The following ST6GAL1 variants were observed in gnomAD, a reference collection of about 807,000 sequenced individuals.
ST6GAL1 encodes the protein beta-galactoside alpha-2,6-sialyltransferase 1.
In ST6GAL1, 20 loss-of-function variants were observed where a neutral mutation model predicts 38.0. The observed-to-expected ratio is 0.53, with a 90% CI of 0.37 to 0.77. The LOEUF (loss-of-function observed/expected upper bound fraction) is 0.77. ST6GAL1 is among the 30% of genes least tolerant of loss of function. The pLI is 0.00. For missense variants in ST6GAL1, 432 were observed against 496.4 expected, an observed-to-expected ratio of 0.87 and a Z score of 1.23; for synonymous variants, 196 against 188.2, an observed-to-expected ratio of 1.04 and a Z score of -0.34.
chr3:187,003,057 C>CT (rs1345669415), intron 2 of ST6GAL1, among the ~76,000 whole-genome samples: 1 of 152,224 alleles, frequency 6.6e-6, no homozygotes, highest in Non-Finnish European at 1.5e-5. Flanking sequence ...CAGTTCCAGT[C>CT]TGAGTCCAAA....
intron 4 of ST6GAL1, among the ~76,000 whole-genome samples, chr3:187,047,709 A>G (rs1345043329): frequency 6.6e-6 from 1 of 151,990 alleles, no homozygotes; most frequent in African/African-American, 2.4e-5. Flanking sequence ...TTGAGTTTGA[A>G]AGTTCAACTT....
intron 1 of ST6GAL1, among the ~76,000 whole-genome samples, chr3:186,962,391 G>A (rs1341874326): frequency 6.6e-6 from 1 of 152,142 alleles, no homozygotes; most frequent in Non-Finnish European, 1.5e-5. Flanking sequence ...AGCATAATGG[G>A]TCTTATCTTA....
At chr3:187,034,711 A>C (rs377554515) in intron 2 of ST6GAL1, among the ~76,000 whole-genome samples, 9 of 152,296 alleles carry the variant, frequency 5.9e-5, no homozygotes, top group African/African-American at 2.2e-4. Context: ...AAATCCTTTC[A>C]TCAAAAAAGC....
At position 186,952,200 on chromosome 3, in the gene ST6GAL1, T is replaced by TA. The variant is rs1335256736; in HGVS notation, c.-324-11585_-324-11584insA. Reference sequence around the variant, plus strand: ...GCTCCTGGAGAGAGTTGTCTGCATTTGCACCCTGCACTCCCTCTTCTCTCA... The same window carrying TA: ...GCTCCTGGAGAGAGTTGTCTGCATTTAGCACCCTGCACTCCCTCTTCTCTCA... On this transcript the variant is annotated intron_variant, in intron 1 of 7. Transcript: ENST00000169298. This position sits in a 1 kb window ranked among gnomAD's most constrained non-coding sequence, Gnocchi z 4.1. 6.6e-6 allele frequency among the ~76,000 whole-genome samples: 1 copy of TA among 152,136 alleles called. No individual in the cohort carries two copies. Among genetic ancestry groups the TA allele is most frequent in the Non-Finnish European group, 1.5e-5 (1 of 68,032 alleles).
intron 2 of ST6GAL1, chr3:186,986,778 C>T (rs1579296892): frequency 6.6e-6 from 1 of 152,252 alleles, no homozygotes; most frequent in African/African-American, 2.4e-5. Context: ...AGACCCCAGA[C>T]TTGCGATCAG....
chr3:186,954,706 T>C (rs1714690075), intron 1 of ST6GAL1, among the ~76,000 whole-genome samples: 1 of 152,194 alleles, frequency 6.6e-6, no homozygotes, highest in African/African-American at 2.4e-5. Context: ...TTTAAATTCC[T>C]TGTAGATTCT....
chr3:187,013,539 G>T (rs16861497), intron 2 of ST6GAL1, among the ~76,000 whole-genome samples: 58,285 of 152,008 alleles, frequency 0.38, 11,288 homozygotes, highest in Middle Eastern at 0.46. Flanking sequence ...CTTTGCTGTG[G>T]AGCAGTGTTT....
At chr3:186,962,698 T>A (rs559368516) in intron 1 of ST6GAL1, among the ~76,000 whole-genome samples, 10 of 152,276 alleles carry the variant, frequency 6.6e-5, no homozygotes, top group African/African-American at 2.2e-4. Context: ...AAGAAAATAA[T>A]CATGGGACTC....
At chr3:186,974,514 T>C (rs935131175) in intron 2 of ST6GAL1, among the ~76,000 whole-genome samples, 2 of 152,144 alleles carry the variant, frequency 1.3e-5, no homozygotes, top group African/African-American at 4.8e-5. Flanking sequence ...ATGTTAAGTA[T>C]ACAATTCAGT....
chr3:186,973,877 G>A (rs1715435034), intron 2 of ST6GAL1, among the ~76,000 whole-genome samples: 1 of 152,238 alleles, frequency 6.6e-6, no homozygotes. Flanking sequence ...CACCTACTGT[G>A]TGCTTGCCTC....
chr3:186,946,074 A>AG lies in ST6GAL1; in HGVS notation c.-325+15241dup, dbSNP rs755777516. On this transcript the variant is annotated intron_variant, in intron 1 of 7. Transcript: ENST00000169298. ...GTAATCCCAGCACTTTGGGAGGCCA[A>AG]GCGGGTGGATCACCTGAGGTCAGGA... Among the ~76,000 whole-genome samples the AG allele has an allele frequency of 1.9e-3, 285 of 151,394 alleles. 4 individuals carry two copies. The highest frequency in any genetic ancestry group is 7.7e-4 in the Non-Finnish European group (52 of 67,844).
chr3:186,999,699 G>A (rs1208697680), intron 2 of ST6GAL1, among the ~76,000 whole-genome samples: 1 of 152,020 alleles, frequency 6.6e-6, no homozygotes, highest in Non-Finnish European at 1.5e-5. Flanking sequence ...ATGAGCCACC[G>A]TGTCCAGCCA....
At chr3:187,061,462 T>C (rs1191853227) in intron 5 of ST6GAL1, among the ~76,000 whole-genome samples, 1 of 152,062 alleles carries the variant, frequency 6.6e-6, no homozygotes, top group Non-Finnish European at 1.5e-5. Flanking sequence ...TTCTCTCACT[T>C]CTTGATTTCA....
chr3:186,950,197 C>G (rs1456085346), intron 1 of ST6GAL1, among the ~76,000 whole-genome samples: 1 of 152,168 alleles, frequency 6.6e-6, no homozygotes, highest in Non-Finnish European at 1.5e-5. Context: ...GAAGAAGAAT[C>G]TGCCAGGCAG....
intron 2 of ST6GAL1, among the ~76,000 whole-genome samples, chr3:187,019,542 A>G (rs1717226558): frequency 6.6e-6 from 1 of 152,200 alleles, no homozygotes; most frequent in Admixed American, 6.5e-5. Context: ...TTACAGCAAT[A>G]ACTATATGGC....
At chr3:186,993,562 TTATTTATTTA>T (rs1716254606) in intron 2 of ST6GAL1, among the ~76,000 whole-genome samples, 2 of 18,770 alleles carry the variant, frequency 1.1e-4, no homozygotes, top group Non-Finnish European at 2.2e-4. Flanking sequence ...AGAGTTTTAT[TTATTTATTTA>T]TTTATTTATT....
At chr3:187,022,436 G>C (rs533028042) in intron 2 of ST6GAL1, among the ~76,000 whole-genome samples, 47 of 152,288 alleles carry the variant, frequency 3.1e-4, no homozygotes, top group Admixed American at 3.0e-3. Flanking sequence ...GCTAACAGTA[G>C]CTGAGAGAGT....
At chr3:187,005,401 C>T (rs1284873598) in intron 2 of ST6GAL1, among the ~76,000 whole-genome samples, 4 of 151,614 alleles carry the variant, frequency 2.6e-5, no homozygotes, top group African/African-American at 9.7e-5. Context: ...TCAGCCTCCC[C>T]GGTAGCTGGG....
chr3:186,961,204 G>C (rs1012985851), intron 1 of ST6GAL1, among the ~76,000 whole-genome samples: 1 of 152,126 alleles, frequency 6.6e-6, no homozygotes, highest in Non-Finnish European at 1.5e-5. Flanking sequence ...TTGAACTCCT[G>C]ACCTCAGATG....
Sources: allele counts gnomAD v4.1 joint callset (sites outside exome capture counted in the v4.1 genomes callset), GRCh38; gene constraint gnomAD v4.1.1; non-coding constraint Gnocchi (gnomAD v3.1); transcripts MANE v1.5; gene names NCBI Gene and HGNC (gene_info 2026-07-23, HGNC 2026-07-21).